The following SNX3 variants were observed in gnomAD, a reference collection of about 807,000 sequenced individuals.
SNX3 encodes sorting nexin-3.
A neutral mutation model predicts 17.7 loss-of-function variants in SNX3; 5 were observed. The observed-to-expected ratio is 0.28, with a 90% confidence interval of 0.15 to 0.59. The LOEUF is 0.59. Ranked by LOEUF, SNX3 falls within the 20% of genes least tolerant of loss-of-function variation. The pLI, the probability that SNX3 is intolerant of heterozygous loss-of-function variation, is 0.88. For missense variants in SNX3, 132 were observed against 206.8 expected (o/e 0.64, Z 2.22); for synonymous variants, 91 against 76.5 (o/e 1.19, Z -0.99).
intron 2 of SNX3, among the ~76,000 whole-genome samples, chr6:108,215,783 T>G (rs907564362): frequency 2.0e-5 from 3 of 152,020 alleles, no homozygotes; most frequent in African/African-American, 7.2e-5. Context: ...TAAAAAAAAC[T>G]TAGCTGGGTG....
intron 1 of SNX3, among the ~76,000 whole-genome samples, chr6:108,238,799 T>C (rs1341889416): frequency 6.6e-6 from 1 of 152,166 alleles, no homozygotes; most frequent in African/African-American, 2.4e-5. Context: ...CTTGACATGT[T>C]GCATGGGGTG....
chr6:108,223,052 CA>C lies in SNX3; in HGVS notation c.163-8del. 6 of 1,545,024 alleles carry C rather than the reference CA, an allele frequency of 3.9e-6. No homozygotes were observed. The highest frequency in any genetic ancestry group is 4.4e-6 in the Non-Finnish European group (5 of 1,125,364). The stretch of plus-strand genomic sequence containing the variant: ...TGAAAATAGGAAGATTTGTCTGAAA[CA>C]AAAAAAGTTAGTCCTAAATTGAAGC... On this transcript the variant is annotated splice_region_variant and splice_polypyrimidine_tract_variant and intron_variant, in intron 1 of 3. Transcript: ENST00000230085.
At chr6:108,239,085 TAG>T (rs773327851) in intron 1 of SNX3, among the ~76,000 whole-genome samples, 3 of 152,070 alleles carry the variant, frequency 2.0e-5, no homozygotes, top group African/African-American at 7.2e-5. Flanking sequence ...GTATTTTTAG[TAG>T]AGACGGGGTT....
At chr6:108,243,650 G>A (rs558191484) in intron 1 of SNX3, among the ~76,000 whole-genome samples, 2 of 152,198 alleles carry the variant, frequency 1.3e-5, no homozygotes, top group Admixed American at 6.5e-5. Flanking sequence ...CACATGAAGA[G>A]CCAGGCTTGG....
rs551257448 is a variant in SNX3 at position 108,234,359 on chromosome 6, C to T, written c.163-11314G>A. Among the ~76,000 whole-genome samples, 78 of 152,142 alleles carry T rather than the reference C, an allele frequency of 5.1e-4. No homozygotes were observed. The South Asian group carries it at 0.016, about 31-fold the overall frequency. On this transcript the variant is annotated intron_variant, in intron 1 of 3. Transcript: ENST00000230085. The stretch of plus-strand genomic sequence containing the variant: ...CCTGAGGTCAGGAGTTCAAGACCAG[C>T]CTGGCCAATATGGCAAAACCCGTTT...
chr6:108,252,786 T>C (rs1041674049), intron 1 of SNX3, among the ~76,000 whole-genome samples: 5 of 152,070 alleles, frequency 3.3e-5, no homozygotes, highest in Admixed American at 6.6e-5. Flanking sequence ...ATTATAGGCA[T>C]GCACCACCAC....
At chr6:108,243,382 A>AAAAAC (rs894632585) in intron 1 of SNX3, among the ~76,000 whole-genome samples, 3 of 152,216 alleles carry the variant, frequency 2.0e-5, no homozygotes, top group Admixed American at 6.5e-5. Flanking sequence ...TCCCAGACAA[A>AAAAAC]AAAACAAAAC....
intron 1 of SNX3, among the ~76,000 whole-genome samples, chr6:108,241,286 G>A (rs1463917197): frequency 2.0e-5 from 3 of 151,622 alleles, no homozygotes; most frequent in Non-Finnish European, 4.4e-5. Context: ...GACATGAGAA[G>A]ACGGCACGAA....
chr6:108,236,439 A>G (rs1349389652), intron 1 of SNX3, among the ~76,000 whole-genome samples: 1 of 143,190 alleles, frequency 7.0e-6, no homozygotes, highest in African/African-American at 2.6e-5. Flanking sequence ...GCTGGAGTGC[A>G]GTGGCGGGAT....
chr6:108,250,164 G>A (rs755722263), intron 1 of SNX3, among the ~76,000 whole-genome samples: 10 of 152,122 alleles, frequency 6.6e-5, no homozygotes, highest in Non-Finnish European at 1.5e-4. Flanking sequence ...ACCCACCTCA[G>A]ACTCCCAAAG....
chr6:108,221,634 C>T (rs907787561), intron 2 of SNX3, among the ~76,000 whole-genome samples: 2 of 145,234 alleles, frequency 1.4e-5, no homozygotes, highest in African/African-American at 5.0e-5. Context: ...CAACCTCTGC[C>T]TCCTGGACTC....
At chr6:108,232,051 C>T (rs1299797631) in intron 1 of SNX3, among the ~76,000 whole-genome samples, 1 of 152,040 alleles carries the variant, frequency 6.6e-6, no homozygotes, top group Non-Finnish European at 1.5e-5. Context: ...ATATATTTTG[C>T]TTGGCTTATG....
rs144636066 is a variant in SNX3 at position 108,234,267 on chromosome 6, T to C, written c.163-11222A>G. Among the ~76,000 whole-genome samples, 569 of 145,524 alleles carry C rather than the reference T, an allele frequency of 3.9e-3. 2 individuals are homozygous for C. The highest frequency in any genetic ancestry group is 0.015 in the African/African-American group (541 of 35,534). ...TATATATATATATAACATATACATG[T>C]GACAGCTGGGTGCAGTGGCTCACGC... On this transcript the variant is annotated intron_variant, in intron 1 of 3. Coordinates refer to ENST00000230085, the MANE Select transcript of SNX3 (RefSeq NM_003795.6).
At chr6:108,245,389 G>A (rs960499094) in intron 1 of SNX3, among the ~76,000 whole-genome samples, 3 of 152,064 alleles carry the variant, frequency 2.0e-5, no homozygotes, top group Non-Finnish European at 2.9e-5. Context: ...CCAAGTCTTC[G>A]CTATCGTAAA....
intron 1 of SNX3, among the ~76,000 whole-genome samples, chr6:108,249,362 C>T (rs1582507738): frequency 6.6e-6 from 1 of 152,100 alleles, no homozygotes; most frequent in East Asian, 1.9e-4. Flanking sequence ...GTGGAGGTTG[C>T]AGTGAGCCGA....
At chr6:108,220,804 C>G (rs1005279649) in intron 2 of SNX3, among the ~76,000 whole-genome samples, 1 of 151,866 alleles carries the variant, frequency 6.6e-6, no homozygotes, top group African/African-American at 2.4e-5. Context: ...ATGATGAAAC[C>G]CCATCTCTAC....
intron 1 of SNX3, among the ~76,000 whole-genome samples, chr6:108,225,216 A>G (rs944419998): frequency 6.6e-6 from 1 of 152,030 alleles, no homozygotes; most frequent in Non-Finnish European, 1.5e-5. Context: ...CAGGAGGCGG[A>G]GTTTGCAGTG....
intron 1 of SNX3, among the ~76,000 whole-genome samples, chr6:108,239,609 G>A (rs747484972): frequency 6.6e-6 from 1 of 152,136 alleles, no homozygotes; most frequent in Non-Finnish European, 1.5e-5. Flanking sequence ...TTACTCCTCT[G>A]AAGTTTTATT....
intron 1 of SNX3, among the ~76,000 whole-genome samples, chr6:108,238,607 A>C (rs1256975575): frequency 6.6e-6 from 1 of 152,148 alleles, no homozygotes; most frequent in Non-Finnish European, 1.5e-5. Context: ...CTCAACCGCC[A>C]TAAAAAAGAA....
Sources: gnomAD v4.1 joint callset for allele counts (sites outside exome capture counted in the v4.1 genomes callset) on GRCh38, gnomAD v4.1.1 for gene constraint, MANE v1.5 for transcripts, NCBI Gene and HGNC (gene_info 2026-07-23, HGNC 2026-07-21) for gene names.